ATG4C: variants seen among roughly 807,000 people sequenced by gnomAD.
ATG4C encodes the protein autophagy related 4C cysteine peptidase.
A neutral mutation model predicts 57.6 loss-of-function variants in ATG4C; 56 were observed. The ratio of observed to expected loss-of-function variants is 0.97; its 90% CI spans 0.78 to 1.21. The LOEUF is 1.21. ATG4C is among the 50% of genes most tolerant of loss of function. The pLI is 0.00. For synonymous variants in ATG4C, 157 were observed against 174.1 expected (o/e 0.90, Z 0.78); for missense variants, 595 against 529.8 (o/e 1.12, Z -1.21).
At chr1:62,846,174 T>C (rs1666320975) in intron 10 of ATG4C, among the ~76,000 whole-genome samples, 1 of 152,226 alleles carries the variant, frequency 6.6e-6, no homozygotes, top group African/African-American at 2.4e-5. Flanking sequence ...CGTTGCCAAG[T>C]CCATTGGTCG....
chr1:62,802,007 C>T (rs973750832), intron 1 of ATG4C, among the ~76,000 whole-genome samples: 40 of 147,166 alleles, frequency 2.7e-4, no homozygotes, highest in Non-Finnish European at 5.1e-4. Flanking sequence ...AAGAACTACT[C>T]TCTGCTTGTG....
intron 5 of ATG4C, among the ~76,000 whole-genome samples, chr1:62,820,402 T>C (rs1157556458): frequency 6.6e-6 from 1 of 152,070 alleles, no homozygotes; most frequent in East Asian, 1.9e-4. Context: ...GGATACAGGT[T>C]GTATTCAGCT....
chr1:62,833,269 C>A (rs1665897877), intron 7 of ATG4C, among the ~76,000 whole-genome samples: 1 of 151,962 alleles, frequency 6.6e-6, no homozygotes, highest in Non-Finnish European at 1.5e-5. Flanking sequence ...TAGGATATAT[C>A]AAAATTATTG....
chr1:62,854,786 A>G (rs1246251191), intron 10 of ATG4C, among the ~76,000 whole-genome samples: 1 of 152,148 alleles, frequency 6.6e-6, no homozygotes, highest in African/African-American at 2.4e-5. Flanking sequence ...CATGTTAGTA[A>G]GTGGTGGTCT....
intron 10 of ATG4C, among the ~76,000 whole-genome samples, chr1:62,850,878 A>ATGTATATATATGTATG: frequency 1.3e-5 from 1 of 75,832 alleles, no homozygotes; most frequent in Admixed American, 1.3e-4. Flanking sequence ...ATATATATAT[A>ATGTATATATATGTATG]TATATATATA....
intron 10 of ATG4C, among the ~76,000 whole-genome samples, chr1:62,851,725 T>A (rs1271100057): frequency 6.6e-6 from 1 of 151,716 alleles, no homozygotes; most frequent in African/African-American, 2.4e-5. Context: ...TTAAAAAAAA[T>A]AAATAGCTAC....
intron 3 of ATG4C, among the ~76,000 whole-genome samples, chr1:62,816,285 A>T (rs1197640209): frequency 6.6e-6 from 1 of 152,050 alleles, no homozygotes; most frequent in East Asian, 1.9e-4. Context: ...AGAGTTAATT[A>T]TGTATAGAAT....
chr1:62,788,599 C>A (rs1304656660), intron 1 of ATG4C, among the ~76,000 whole-genome samples: 1 of 152,132 alleles, frequency 6.6e-6, no homozygotes, highest in Non-Finnish European at 1.5e-5. Flanking sequence ...AATAATTTAA[C>A]CTTGATATGA....
intron 8 of ATG4C, among the ~76,000 whole-genome samples, 196 bp from the exon 9 acceptor site, chr1:62,834,580 T>C (rs184358484): frequency 2.6e-5 from 4 of 152,200 alleles, no homozygotes; most frequent in Admixed American, 2.6e-4. Context: ...TTTATAAAAA[T>C]TCTGCTTATA....
intron 7 of ATG4C, among the ~76,000 whole-genome samples, chr1:62,833,023 A>G (rs1665890109): frequency 1.3e-5 from 2 of 152,064 alleles, no homozygotes; most frequent in African/African-American, 4.8e-5. Flanking sequence ...ATTAATAATG[A>G]TGAGCTCTGG....
At chr1:62,843,276 AAG>A (rs2100347743) in intron 10 of ATG4C, among the ~76,000 whole-genome samples, 1 of 152,314 alleles carries the variant, frequency 6.6e-6, no homozygotes, top group East Asian at 1.9e-4. Flanking sequence ...CATTAAGGCA[AAG>A]AGAAATTATG....
At chr1:62,851,348 G>T (rs1242710931) in intron 10 of ATG4C, among the ~76,000 whole-genome samples, 1 of 152,062 alleles carries the variant, frequency 6.6e-6, no homozygotes, top group Admixed American at 6.6e-5. Flanking sequence ...TGAAAATCAG[G>T]AGTCCCTTGC....
At chr1:62,801,377 T>C (rs80084611) in intron 1 of ATG4C, among the ~76,000 whole-genome samples, 6,016 of 152,136 alleles carry the variant, frequency 0.04, 427 homozygotes, top group African/African-American at 0.14. Context: ...CGAGAATATA[T>C]CTAGAGTGTA....
chr1:62,853,676 G>A (rs1483883910), intron 10 of ATG4C, among the ~76,000 whole-genome samples: 2 of 152,112 alleles, frequency 1.3e-5, no homozygotes, highest in African/African-American at 4.8e-5. Flanking sequence ...GAACTCCTGG[G>A]CTCATGCAAT....
chr1:62,836,488 T>C (rs1666003010), intron 9 of ATG4C, among the ~76,000 whole-genome samples: 2 of 152,068 alleles, frequency 1.3e-5, no homozygotes, highest in Admixed American at 6.5e-5. Context: ...GCATCACTTG[T>C]TTTCCTATGA....
At chr1:62,846,139 C>T (rs1295995112) in intron 10 of ATG4C, among the ~76,000 whole-genome samples, 1 of 152,202 alleles carries the variant, frequency 6.6e-6, no homozygotes, top group Non-Finnish European at 1.5e-5. Context: ...ACCAGAATTC[C>T]TCTTCAAGGT....
At chr1:62,784,680 G>C (rs1664024520) in intron 1 of ATG4C, among the ~76,000 whole-genome samples, 1 of 152,166 alleles carries the variant, frequency 6.6e-6, no homozygotes, top group African/African-American at 2.4e-5. Flanking sequence ...GATCCCCACT[G>C]TCTCTCTGTT....
intron 1 of ATG4C, among the ~76,000 whole-genome samples, chr1:62,797,390 A>G (rs1471237296): frequency 6.6e-6 from 1 of 152,204 alleles, no homozygotes; most frequent in East Asian, 1.9e-4. Context: ...TCCATCAAAG[A>G]GTTAATAATT....
intron 10 of ATG4C, among the ~76,000 whole-genome samples, chr1:62,858,364 T>C (rs1195345733): frequency 2.0e-5 from 3 of 152,216 alleles, no homozygotes; most frequent in African/African-American, 7.2e-5. Flanking sequence ...GCTTAGATCC[T>C]GACTGTGTCA....
Sources: gnomAD v4.1 joint callset for allele counts (sites outside exome capture counted in the v4.1 genomes callset) on GRCh38, gnomAD v4.1.1 for gene constraint, MANE v1.5 for transcripts, NCBI Gene and HGNC (gene_info 2026-07-23, HGNC 2026-07-21) for gene names.